Variants in LTN1 observed in about 807,000 individuals in gnomAD.
The protein encoded by LTN1 is listerin E3 ubiquitin protein ligase 1.
Under a neutral mutation model 201.2 loss-of-function variants are expected in LTN1, and 88 were observed. The ratio of observed to expected loss-of-function variants is 0.44; its 90% CI spans 0.37 to 0.52. The LOEUF (loss-of-function observed/expected upper bound fraction) is 0.52. Ranked by LOEUF, LTN1 falls within the 20% of genes least tolerant of loss-of-function variation. The pLI is 0.00. For missense variants in LTN1, 1,752 were observed against 2,038.7 expected, an observed-to-expected ratio of 0.86 and a Z score of 2.71; for synonymous variants, 645 against 713.5, an observed-to-expected ratio of 0.90 and a Z score of 1.53.
Position 28,984,814 on chromosome 21 carries a change from G to A in LTN1, c.454C>T (p.Leu152=). 1 of 1,613,932 alleles carries A rather than the reference G, an allele frequency of 6.2e-7. No homozygotes were observed. ...GTGTAAGTATCACACTGAGCCATTA[G>A]CCAATATCCCATTAAACTTTTTAAG... ...PYLKSLMGYW[L]MAQCDTYTPA... is the part of the protein sequence containing the mutation. Residue 152 remains leucine (L), a synonymous_variant, in exon 4 of 30, where the codon CTA becomes TTA. Coordinates refer to ENST00000361371, the MANE Select transcript of LTN1 (RefSeq NM_015565.3).
chr21:28,970,852 A>C (rs1345276588), intron 7 of LTN1, 110 bp from the exon 8 acceptor site: 1 of 728,880 alleles, frequency 1.4e-6, no homozygotes, highest in African/African-American at 1.8e-5. Context: ...ATTTTACCTA[A>C]AAAAAGCTAA....
At position 28,988,366 on chromosome 21, in the gene LTN1, G is replaced by T. The variant is rs551284373; in HGVS notation, c.43-1432C>A. Among the ~76,000 whole-genome samples the T allele has an allele frequency of 1.8e-4, 28 of 151,412 alleles. 1 individual carries two copies. The highest frequency in any genetic ancestry group is 3.2e-3 in the Middle Eastern group (1 of 314). ...CCTGTAATCCCACCTACTCAGGAGG[G>T]TGAGTCATGAGAATTGCTTGAACCT... On this transcript the variant is annotated intron_variant, in intron 1 of 29. Coordinates refer to ENST00000361371, the MANE Select transcript of LTN1 (RefSeq NM_015565.3).
intron 8 of LTN1, 32 bp downstream of exon 8, chr21:28,970,520 T>C (rs1218748214): frequency 1.4e-6 from 2 of 1,436,532 alleles, no homozygotes; most frequent in South Asian, 2.5e-5. Flanking sequence ...AAATCTGTTT[T>C]GTTTTAAAAA....
At chr21:28,988,811 C>A (rs557816161) in intron 1 of LTN1, among the ~76,000 whole-genome samples, 18 of 151,278 alleles carry the variant, frequency 1.2e-4, no homozygotes, top group African/African-American at 4.1e-4. Context: ...ACTAAAAATA[C>A]AAAATTAGCC....
At chr21:28,962,507 G>A (rs1031275852) in intron 11 of LTN1, among the ~76,000 whole-genome samples, 5 of 152,104 alleles carry the variant, frequency 3.3e-5, no homozygotes, top group African/African-American at 1.2e-4. Flanking sequence ...CCATATAAGA[G>A]GGCAAACTTA....
Position 28,986,803 on chromosome 21 carries a change from G to C in LTN1, c.174C>G (p.Asp58Glu), listed in dbSNP as rs761355603. ...TTCGGAAATCAGAATCTACAAGACT[G>C]TCAATTTCTTCAGCTCCTTGAATAG... ...VPAIQGAEEI[D>E]SLVDSDFRMV... The change falls in exon 2 of 30, where the codon GAC (aspartate) becomes GAG (glutamate). Residue 58 changes from aspartate (D) to glutamate (E), a missense_variant. Transcript: ENST00000361371. This position sits in a 1 kb window ranked among gnomAD's most constrained non-coding sequence, Gnocchi z 4.1. 6.2e-7 allele frequency: 1 copy of C among 1,613,960 alleles called. No individual in the cohort carries two copies. Among genetic ancestry groups the C allele is most frequent in the Non-Finnish European group, 8.5e-7 (1 of 1,179,826 alleles).
chr21:28,992,841 C>T lies in LTN1; in HGVS notation c.-36G>A, dbSNP rs3746842. The stretch of plus-strand genomic sequence containing the variant: ...GCAGCTGTACTCTGAGCACTCAGAC[C>T]CCGGTTGACACGTCCGGGACACAAC... On this transcript the variant is annotated 5_prime_UTR_variant, in exon 1 of 30. Coordinates refer to ENST00000361371, the MANE Select transcript of LTN1 (RefSeq NM_015565.3). 1,972 of 1,614,144 alleles carry T rather than the reference C, an allele frequency of 1.2e-3. 1 individual carries two copies. The highest frequency in any genetic ancestry group is 1.5e-3 in the Non-Finnish European group (1,796 of 1,180,022).
Position 28,959,482 on chromosome 21 carries a change from T to C in LTN1, c.2569A>G (p.Ser857Gly). ...LLTLFQLCAQ[S>G]KEKTHLPDFL... ...CCTGGCAAATGTGTTTTTTCTTTGC[T>C]CTGAGCACATAACTGAAAGAGAGTT... The change falls in exon 13 of 30, where the codon AGC (serine) becomes GGC (glycine). Residue 857 changes from serine (S) to glycine (G), a missense_variant. Transcript: ENST00000361371. 6.2e-7 allele frequency: 1 copy of C among 1,613,892 alleles called. No individual in the cohort carries two copies. Among genetic ancestry groups the C allele is most frequent in the Non-Finnish European group, 8.5e-7 (1 of 1,179,910 alleles).
intron 6 of LTN1, among the ~76,000 whole-genome samples, chr21:28,975,701 C>G (rs979542553): frequency 2.0e-5 from 3 of 152,096 alleles, no homozygotes; most frequent in African/African-American, 7.2e-5. Context: ...AGGAGAATGA[C>G]CTAAATTAAA....
chr21:28,987,390 C>T lies in LTN1; in HGVS notation c.43-456G>A, dbSNP rs561608989. ...TGTAAAATGAACTCATAAATAGAAC[C>T]CATCCTTTCATTCACCCATTAAATG... On this transcript the variant is annotated intron_variant, in intron 1 of 29. Coordinates refer to ENST00000361371, the MANE Select transcript of LTN1 (RefSeq NM_015565.3). Among the ~76,000 whole-genome samples the T allele has an allele frequency of 5.3e-5, 8 of 152,102 alleles. No homozygotes were observed. The East Asian group carries it at 1.5e-3, about 29-fold the overall frequency.
intron 12 of LTN1, among the ~76,000 whole-genome samples, chr21:28,960,014 A>C (rs1189109760): frequency 6.6e-6 from 1 of 152,140 alleles, no homozygotes; most frequent in East Asian, 1.9e-4. Flanking sequence ...AAAAATATTA[A>C]ATATCTTCTA....
intron 21 of LTN1, among the ~76,000 whole-genome samples, chr21:28,945,389 T>C (rs958640779): frequency 6.6e-6 from 1 of 152,126 alleles, no homozygotes; most frequent in Admixed American, 6.5e-5. Context: ...TCTGGTTGCT[T>C]TGGGTCAAAA....
At chr21:28,965,427 T>TG (rs1344829121) in intron 11 of LTN1, among the ~76,000 whole-genome samples, 3 of 152,212 alleles carry the variant, frequency 2.0e-5, no homozygotes, top group Non-Finnish European at 4.4e-5. Flanking sequence ...ACACAAAGAC[T>TG]GGAAGATTTT....
intron 6 of LTN1, among the ~76,000 whole-genome samples, chr21:28,977,771 T>C (rs545766873): frequency 1.1e-4 from 16 of 151,548 alleles, no homozygotes; most frequent in Non-Finnish European, 2.1e-4. Flanking sequence ...TACTAAAAAA[T>C]ACAAAAATTA....
chr21:28,986,084 G>T lies in LTN1; in HGVS notation c.345+55C>A. ...ACATTATAAATTTGAGAGTCTCCAT[G>T]ACTCCAACCAAAAAATATACAACAG... On this transcript the variant is annotated intron_variant, in intron 3 of 29. Transcript: ENST00000361371. This position sits in a 1 kb window ranked among gnomAD's most constrained non-coding sequence, Gnocchi z 4.1. 4.1e-6 allele frequency: 4 copies of T among 964,534 alleles called. No homozygotes were observed. The highest frequency in any genetic ancestry group is 2.7e-5 in the South Asian group (2 of 74,552). The allele number at this position is 964,534 out of a possible 1,614,324, so 59.7% of individuals were successfully genotyped here. A position where few individuals can be genotyped will look rare whatever the true frequency, so the allele number is the denominator to read the frequency against.
In LTN1 at chr21:28,959,465, AT is replaced by A; in HGVS notation, c.2585del (p.His862LeufsTer10). 6.2e-7 allele frequency: 1 copy of A among 1,612,468 alleles called. No homozygotes were observed. The highest frequency in any genetic ancestry group is 8.5e-7 in the Non-Finnish European group (1 of 1,178,946). On this transcript the variant is annotated frameshift_variant, in exon 13 of 30. Transcript: ENST00000361371. LOFTEE classifies it high-confidence loss of function. The part of the protein sequence containing the change: ...QLCAQSKEKT[H>X]LPDFLICKLK... ...TGAGCAGTAGGCTATTACCTGGCAA[AT>A]GTGTTTTTTCTTTGCTCTGAGCACA...
At chr21:28,969,121 T>C (rs537314799) in intron 9 of LTN1, among the ~76,000 whole-genome samples, 2 of 151,814 alleles carry the variant, frequency 1.3e-5, no homozygotes, top group East Asian at 4.0e-4. Context: ...CTTGGGAGGC[T>C]GAGGCAGGAG....
intron 29 of LTN1, 54 bp downstream of exon 29, chr21:28,931,101 T>TGTGTGTGTGTGTG: frequency 1.0e-6 from 1 of 967,910 alleles, no homozygotes; most frequent in Non-Finnish European, 1.6e-6. Flanking sequence ...GTGTGTGTGT[T>TGTGTGTGTGTGTG]TATGTGTATA....
At chr21:28,984,651 T>C in intron 4 of LTN1, 41 bp downstream of exon 4, 1 of 1,473,426 alleles carries the variant, frequency 6.8e-7, no homozygotes, top group Non-Finnish European at 9.4e-7. Flanking sequence ...CCTTAAATAC[T>C]TAAAAAAAAA....
Sources: allele counts gnomAD v4.1 joint callset (sites outside exome capture counted in the v4.1 genomes callset), GRCh38; gene constraint gnomAD v4.1.1; non-coding constraint Gnocchi (gnomAD v3.1); transcripts MANE v1.5; gene names NCBI Gene and HGNC (gene_info 2026-07-23, HGNC 2026-07-21).